The following MUSK variants were observed in gnomAD, a reference collection of about 807,000 sequenced individuals.
MUSK encodes the protein muscle, skeletal receptor tyrosine-protein kinase.
Under a neutral mutation model 88.7 loss-of-function variants are expected in MUSK, and 55 were observed. That is an observed-to-expected ratio of 0.62 (90% CI 0.50 to 0.78). The LOEUF is 0.78. Among genes scored for constraint, MUSK ranks in the 30% least tolerant of loss-of-function variants. The probability of loss-of-function intolerance (pLI) is 0.00; values close to 1 mark genes in which losing one functional copy is unlikely to be tolerated. For synonymous variants in MUSK, 387 were observed against 391.9 expected, an observed-to-expected ratio of 0.99 and a Z score of 0.15; for missense variants, 1,015 against 1,074.3, an observed-to-expected ratio of 0.94 and a Z score of 0.77.
At chr9:110,689,724 A>ATATAAATATATAACTATATATAGTTATC in intron 3 of MUSK, among the ~76,000 whole-genome samples, 2 of 77,692 alleles carry the variant, frequency 2.6e-5, no homozygotes, top group Non-Finnish European at 4.2e-5. Context: ...TATATGTTAT[A>ATATAAATATATAACTATATATAGTTATC]TATAGTTTAT....
intron 5 of MUSK, among the ~76,000 whole-genome samples, chr9:110,706,351 A>G (rs2076598373): frequency 6.6e-6 from 1 of 152,028 alleles, no homozygotes; most frequent in Non-Finnish European, 1.5e-5. Flanking sequence ...TATTCATTTT[A>G]TTAGGTTGAA....
intron 14 of MUSK, among the ~76,000 whole-genome samples, chr9:110,789,303 G>A (rs1213774277): frequency 6.6e-6 from 1 of 152,220 alleles, no homozygotes; most frequent in Non-Finnish European, 1.5e-5. Flanking sequence ...TGTGTAATGT[G>A]AAAGTAGAGC....
rs1037634729 is a variant in MUSK at position 110,802,043 on chromosome 9, TTA to T, written c.*1058_*1059del. ...CTATTTAAATCTCTTAAACCATAATTTATAATATGAGATTTCACAAGATACAC... is the reference window on the plus strand; with the variant it reads ...CTATTTAAATCTCTTAAACCATAATTTAATATGAGATTTCACAAGATACAC... On this transcript the variant is annotated 3_prime_UTR_variant, in exon 15 of 15. Coordinates refer to ENST00000374448, the MANE Select transcript of MUSK (RefSeq NM_005592.4). Among the ~76,000 whole-genome samples the T allele has an allele frequency of 2.0e-4, 30 of 152,306 alleles. No homozygotes were observed. Among genetic ancestry groups the T allele is most frequent in the African/African-American group, 6.3e-4 (26 of 41,572 alleles).
At chr9:110,761,526 A>C (rs771926148) in intron 7 of MUSK, among the ~76,000 whole-genome samples, 12 of 138,100 alleles carry the variant, frequency 8.7e-5, no homozygotes, top group Non-Finnish European at 1.7e-4. Context: ...TTTTTTTCCA[A>C]GTCTGCTTTA....
chr9:110,689,534 A>AATATACAGTT (rs1554735072), intron 3 of MUSK, among the ~76,000 whole-genome samples: 1 of 102,206 alleles, frequency 9.8e-6, no homozygotes, highest in Non-Finnish European at 1.7e-5. Context: ...ACTATATATA[A>AATATACAGTT]ATATATAGTT....
At position 110,775,964 on chromosome 9, in the gene MUSK, G is replaced by A; in HGVS notation, c.1360+1G>A. 6.2e-7 allele frequency: 1 copy of A among 1,604,468 alleles called. No homozygotes were observed. Among genetic ancestry groups the A allele is most frequent in the South Asian group, 1.1e-5 (1 of 89,792 alleles). ...GCCTGTGCCAGACTGCCACATCTAGGTAACACAGAGTTCTCCCAAGACTTT... is the reference window on the plus strand; with the variant it reads ...GCCTGTGCCAGACTGCCACATCTAGATAACACAGAGTTCTCCCAAGACTTT... On this transcript the variant is annotated splice_donor_variant, in intron 10 of 14. Coordinates refer to ENST00000374448, the MANE Select transcript of MUSK (RefSeq NM_005592.4). LOFTEE classifies it high-confidence loss of function.
At chr9:110,739,681 A>G (rs1369948042) in intron 6 of MUSK, among the ~76,000 whole-genome samples, 1 of 152,162 alleles carries the variant, frequency 6.6e-6, no homozygotes, top group Non-Finnish European at 1.5e-5. Flanking sequence ...CCTCGAGCCC[A>G]TTGAGTTAGC....
intron 1 of MUSK, among the ~76,000 whole-genome samples, chr9:110,675,157 G>C (rs1470614704): frequency 6.6e-6 from 1 of 151,110 alleles, no homozygotes; most frequent in Non-Finnish European, 1.5e-5. Flanking sequence ...TAAGTGACTT[G>C]CAGAGTCGGT....
At chr9:110,791,052 G>A (rs2077966187) in intron 14 of MUSK, among the ~76,000 whole-genome samples, 1 of 152,086 alleles carries the variant, frequency 6.6e-6, no homozygotes, top group South Asian at 2.1e-4. Flanking sequence ...CGTGAAGAAA[G>A]TAGGGATCAT....
chr9:110,719,136 C>G (rs957770886), intron 5 of MUSK, among the ~76,000 whole-genome samples: 1 of 151,992 alleles, frequency 6.6e-6, no homozygotes, highest in Non-Finnish European at 1.5e-5. Context: ...TTACATCTCA[C>G]AGGACCTATA....
intron 6 of MUSK, among the ~76,000 whole-genome samples, chr9:110,735,546 G>T (rs2077020499): frequency 6.6e-6 from 1 of 152,094 alleles, no homozygotes; most frequent in African/African-American, 2.4e-5. Flanking sequence ...GATATCAGAG[G>T]CTGGGAAAGG....
intron 7 of MUSK, among the ~76,000 whole-genome samples, chr9:110,755,547 T>C (rs767016311): frequency 1.3e-5 from 2 of 152,090 alleles, no homozygotes; most frequent in Non-Finnish European, 2.9e-5. Context: ...TTTACAAACT[T>C]TCAGGCAGAT....
chr9:110,686,540 T>C (rs567935652), intron 2 of MUSK, among the ~76,000 whole-genome samples: 1 of 152,272 alleles, frequency 6.6e-6, no homozygotes, highest in African/African-American at 2.4e-5. Context: ...AACAAATGGT[T>C]TGCATATAAT....
Position 110,694,412 on chromosome 9 carries a change from AAAC to A in MUSK, c.359-988_359-986del, listed in dbSNP as rs1211317185. On this transcript the variant is annotated intron_variant, in intron 3 of 14. Transcript: ENST00000374448. ...AAAAAAAAAAAAAAAAAAAACAAAA[AAAC>A]AAAACCCAACAGGTCATGAAGGCTT... 5.2e-4 allele frequency among the ~76,000 whole-genome samples: 75 copies of A among 143,190 alleles called. 1 individual carries two copies. Among genetic ancestry groups the A allele is most frequent in the Middle Eastern group, 3.5e-3 (1 of 288 alleles). 93.9% of individuals were successfully genotyped at this position (143,190 alleles called of 152,430 possible).
At chr9:110,678,895 T>TTTTG (rs1554731936) in intron 1 of MUSK, among the ~76,000 whole-genome samples, 3 of 151,422 alleles carry the variant, frequency 2.0e-5, no homozygotes, top group African/African-American at 7.3e-5. Flanking sequence ...ATTGGGATTT[T>TTTTG]TTGTTTTTTT....
In MUSK at chr9:110,802,930, TGAATAAA is replaced by T. The variant is rs1406757117; in HGVS notation, c.*1951_*1957del. Among the ~76,000 whole-genome samples, 1 of 152,160 alleles carries T rather than the reference TGAATAAA, an allele frequency of 6.6e-6. No individual in the cohort carries two copies. Among genetic ancestry groups the T allele is most frequent in the East Asian group, 1.9e-4 (1 of 5,196 alleles). On this transcript the variant is annotated 3_prime_UTR_variant, in exon 15 of 15. Coordinates refer to ENST00000374448, the MANE Select transcript of MUSK (RefSeq NM_005592.4). Reference sequence around the variant, plus strand: ...AAATTGATACTGTAATCCAAATGACTGAATAAAGAATAAAGTTGCAGCGTGTGTCTAA... The same window carrying T: ...AAATTGATACTGTAATCCAAATGACTGAATAAAGTTGCAGCGTGTGTCTAA...
intron 5 of MUSK, among the ~76,000 whole-genome samples, chr9:110,701,183 T>C (rs1252802624): frequency 6.6e-6 from 1 of 152,090 alleles, no homozygotes; most frequent in Non-Finnish European, 1.5e-5. Context: ...TAAACCAGGA[T>C]TGTAGGGCAG....
chr9:110,700,898 T>C (rs756995807), intron 5 of MUSK, among the ~76,000 whole-genome samples: 1 of 152,140 alleles, frequency 6.6e-6, no homozygotes, highest in Non-Finnish European at 1.5e-5. Context: ...GTATCCAAGC[T>C]TCCACGATAA....
rs1413320295 is a variant in MUSK at position 110,698,924 on chromosome 9, G to T, written c.628+1458G>T. Among the ~76,000 whole-genome samples, 6 of 149,266 alleles carry T rather than the reference G, an allele frequency of 4.0e-5. No individual in the cohort carries two copies. In the East Asian group the frequency reaches 1.2e-3, roughly 29 times the overall value. ...CCTAGATCCAGTGTTTTCTTGTTCT[G>T]TCTAAGGAATGATGCAGAATTAATG... is the stretch of plus-strand genomic sequence containing the variant. On this transcript the variant is annotated intron_variant, in intron 5 of 14. Coordinates refer to ENST00000374448, the MANE Select transcript of MUSK (RefSeq NM_005592.4).
Sources: gnomAD v4.1 joint callset for allele counts (sites outside exome capture counted in the v4.1 genomes callset) on GRCh38, gnomAD v4.1.1 for gene constraint, MANE v1.5 for transcripts, NCBI Gene and HGNC (gene_info 2026-07-23, HGNC 2026-07-21) for gene names.